The following BFSP1 variants were observed in gnomAD, a reference collection of about 807,000 sequenced individuals.
The protein encoded by BFSP1 is filensin.
A neutral mutation model predicts 43.9 loss-of-function variants in BFSP1; 38 were observed. That is an observed-to-expected ratio of 0.87 (90% CI 0.67 to 1.14). The LOEUF (loss-of-function observed/expected upper bound fraction) is 1.14, where lower values mean the gene tolerates loss of function less well. Among genes scored for constraint, BFSP1 ranks in the 50% most tolerant of loss-of-function variants. The probability of loss-of-function intolerance (pLI) is 0.00; values close to 1 mark genes in which losing one functional copy is unlikely to be tolerated. For missense variants in BFSP1, 850 were observed against 875.1 expected, an observed-to-expected ratio of 0.97 and a Z score of 0.36; for synonymous variants, 352 against 354.8, an observed-to-expected ratio of 0.99 and a Z score of 0.09.
chr20:17,546,204 G>A (rs1032799933), intron 1 of BFSP1, among the ~76,000 whole-genome samples: 4 of 152,176 alleles, frequency 2.6e-5, no homozygotes, highest in Admixed American at 1.3e-4. Flanking sequence ...CATGGCAGAA[G>A]GGGAAGCAGG....
intron 1 of BFSP1, among the ~76,000 whole-genome samples, chr20:17,544,499 A>G (rs2034769878): frequency 6.6e-6 from 1 of 152,240 alleles, no homozygotes; most frequent in Admixed American, 6.5e-5. Flanking sequence ...ACCTCTACAT[A>G]GTTATTTTAA....
rs540580414 is a variant in BFSP1, at chr20:17,511,978, C to G, written c.625G>C (p.Glu209Gln). ...CCTTTTCCTGCTTCAATTCTTACCT[C>G]CCTCATCCCACTCGTCACAATGGAT... is the stretch of plus-strand genomic sequence containing the variant. ...PASIVTSGMR[E>Q]EKLLTEREVA... The change falls in exon 4 of 8, where the codon GAG (glutamate) becomes CAG (glutamine). Residue 209 changes from glutamate to glutamine, a missense_variant and splice_region_variant. Glu to Gln is a conservative substitution (Grantham distance 29). Transcript: ENST00000377873. The G allele has an allele frequency of 6.2e-7, 1 of 1,602,326 alleles. No individual in the cohort carries two copies. The highest frequency in any genetic ancestry group is 8.6e-7 in the Non-Finnish European group (1 of 1,169,438).
chr20:17,496,903 GA>G (rs1267835372), intron 7 of BFSP1, 34 bp downstream of exon 7: 10 of 1,479,106 alleles, frequency 6.8e-6, no homozygotes, highest in South Asian at 6.6e-5. Context: ...TTTCAAGACA[GA>G]AAAAAACAGA....
chr20:17,545,491 G>C (rs1001286952), intron 1 of BFSP1, among the ~76,000 whole-genome samples: 1 of 152,242 alleles, frequency 6.6e-6, no homozygotes, highest in Non-Finnish European at 1.5e-5. Context: ...GGGCACGGTG[G>C]CTTATGCCTG....
chr20:17,549,200 A>G (rs923838215), intron 1 of BFSP1, among the ~76,000 whole-genome samples: 3 of 152,190 alleles, frequency 2.0e-5, no homozygotes, highest in Non-Finnish European at 4.4e-5. Flanking sequence ...CTCAGCCTCT[A>G]GAACGAATCC....
In BFSP1 at chr20:17,567,992, A is replaced by G. The variant is rs2035142078; in HGVS notation, n.50+1179T>C. ...GAAGGAACTACTATTGATCCTTGGG[A>G]AGTGGTAAGAGAAGTCTTCAGATGC... On this transcript the variant is annotated intron_variant and non_coding_transcript_variant, in intron 1 of 6. Transcript: ENST00000473415. Among the ~76,000 whole-genome samples, 3 of 150,952 alleles carry G rather than the reference A, an allele frequency of 2.0e-5. No individual in the cohort carries two copies. In the South Asian group the frequency reaches 6.3e-4, roughly 32 times the overall value.
upstream of BFSP1, among the ~76,000 whole-genome samples, chr20:17,563,885 TAAAAAAAAAAAA>T (rs998399781): frequency 1.1e-5 from 1 of 90,774 alleles, no homozygotes; most frequent in Non-Finnish European, 2.3e-5. Context: ...AGACCGTGTC[TAAAAAAAAAAAA>T]AAAAAAAAAA....
In BFSP1 at chr20:17,494,701, C is replaced by T; in HGVS notation, c.1371G>A (p.Glu457=). The change falls in exon 8 of 8, where the codon GAG becomes GAA. Residue 457 remains glutamate (E), a synonymous_variant. Transcript: ENST00000377873. ...TGTAGAGCTCAGTGGGGGTCTCAGG[C>T]TCTTTGGGGCTTCTCACTTTCTCCT... ...KVKEKVRSPK[E]PETPTELYTK... 6.5e-7 allele frequency: 1 copy of T among 1,546,476 alleles called. No individual in the cohort carries two copies. The highest frequency in any genetic ancestry group is 8.7e-7 in the Non-Finnish European group (1 of 1,144,706).
intron 2 of BFSP1, among the ~76,000 whole-genome samples, chr20:17,524,454 T>C (rs1354769149): frequency 6.6e-6 from 1 of 152,142 alleles, no homozygotes; most frequent in Non-Finnish European, 1.5e-5. Context: ...GGAGCCGCAA[T>C]CTCAAAACTC....
chr20:17,495,354 A>C (rs1471316621), intron 7 of BFSP1, among the ~76,000 whole-genome samples: 2 of 152,284 alleles, frequency 1.3e-5, no homozygotes, highest in South Asian at 2.1e-4. Flanking sequence ...TTGTCCTGAC[A>C]CTCAATGGGA....
chr20:17,559,364 G>A (rs140239313), upstream of BFSP1, among the ~76,000 whole-genome samples: 417 of 152,322 alleles, frequency 2.7e-3, 7 homozygotes, highest in East Asian at 0.017. Flanking sequence ...GATACTTCAC[G>A]AATTGCTAAG....
rs760865708 is a variant in BFSP1 at position 17,494,373 on chromosome 20, C to A, written c.1699G>T (p.Glu567Ter). Reference sequence around the variant, plus strand: ...ATGGCACAGGGTCTCCTGGACTCTTCGTCCCGCTCCTCACCCTCACGTTTC... The same window carrying A: ...ATGGCACAGGGTCTCCTGGACTCTTAGTCCCGCTCCTCACCCTCACGTTTC... ...EEKREGEERD[E>*]ESRRPCAMVT... is the part of the protein sequence containing the mutation. The change falls in exon 8 of 8, where the codon GAA (glutamate) becomes TAA (stop). Residue 567 changes from glutamate to a stop codon, truncating the protein, a stop_gained. Transcript: ENST00000377873. LOFTEE classifies it low-confidence loss of function (END_TRUNC). 6.2e-7 allele frequency: 1 copy of A among 1,614,102 alleles called. No homozygotes were observed. Among genetic ancestry groups the A allele is most frequent in the African/African-American group, 1.3e-5 (1 of 74,926 alleles).
intron 1 of BFSP1, among the ~76,000 whole-genome samples, chr20:17,529,523 T>C (rs551950113): frequency 3.9e-5 from 6 of 152,196 alleles, no homozygotes; most frequent in African/African-American, 1.4e-4. Context: ...TGTGTGTCTG[T>C]GTGTGTGTGT....
upstream of BFSP1, among the ~76,000 whole-genome samples, chr20:17,533,687 C>T (rs945149032): frequency 2.0e-5 from 3 of 152,210 alleles, no homozygotes; most frequent in African/African-American, 7.2e-5. Flanking sequence ...GCCTGAGGCC[C>T]TGGCAAGGGT....
At position 17,511,971 on chromosome 20, in the gene BFSP1, C is replaced by A. The variant is rs2034092078; in HGVS notation, c.627+5G>T. ...TGGTTTGCCTTTTCCTGCTTCAATT[C>A]TTACCTCCCTCATCCCACTCGTCAC... On this transcript the variant is annotated splice_donor_5th_base_variant and intron_variant, in intron 4 of 7. Coordinates refer to ENST00000377873, the MANE Select transcript of BFSP1 (RefSeq NM_001195.5). The A allele has an allele frequency of 2.5e-6, 4 of 1,596,830 alleles. No individual in the cohort carries two copies. Among genetic ancestry groups the A allele is most frequent in the East Asian group, 2.2e-5 (1 of 44,798 alleles).
At chr20:17,498,722 C>T in intron 6 of BFSP1, 98 bp downstream of exon 6, 3 of 1,361,358 alleles carry the variant, frequency 2.2e-6, no homozygotes, top group South Asian at 1.4e-5. Flanking sequence ...TTCCCTGACA[C>T]ATGCCCACTG....
intron 3 of BFSP1, among the ~76,000 whole-genome samples, chr20:17,513,397 C>A (rs890719400): frequency 1.3e-5 from 2 of 152,114 alleles, no homozygotes; most frequent in Admixed American, 1.3e-4. Context: ...TCATCATCAC[C>A]GTCATCATCA....
intron 5 of BFSP1, among the ~76,000 whole-genome samples, chr20:17,501,747 C>CA (rs1382374693): frequency 6.6e-6 from 1 of 152,180 alleles, no homozygotes; most frequent in Admixed American, 6.5e-5. Flanking sequence ...CCCACCCATC[C>CA]AAAGGCACGG....
upstream of BFSP1, among the ~76,000 whole-genome samples, chr20:17,561,861 G>A (rs2035069684): frequency 2.0e-5 from 3 of 152,096 alleles, no homozygotes. Flanking sequence ...AAGGTTATAG[G>A]CCAAGCTTTG....
Sources: allele counts gnomAD v4.1 joint callset (sites outside exome capture counted in the v4.1 genomes callset), GRCh38; gene constraint gnomAD v4.1.1; transcripts MANE v1.5; gene names NCBI Gene and HGNC (gene_info 2026-07-23, HGNC 2026-07-21).